ACAD9: variants seen among roughly 807,000 people sequenced by gnomAD.
The protein encoded by ACAD9 is complex I assembly factor ACAD9, mitochondrial.
A neutral mutation model predicts 70.2 loss-of-function variants in ACAD9; 53 were observed. That is an observed-to-expected ratio of 0.75 (90% CI 0.61 to 0.95). The LOEUF (loss-of-function observed/expected upper bound fraction) is 0.95. ACAD9 is among the 40% of genes least tolerant of loss of function. The probability of loss-of-function intolerance (pLI) is 0.00; values close to 1 mark genes in which losing one functional copy is unlikely to be tolerated. For missense variants in ACAD9, 777 were observed against 802.8 expected, an observed-to-expected ratio of 0.97 and a Z score of 0.39; for synonymous variants, 313 against 312.1, an observed-to-expected ratio of 1.00 and a Z score of -0.03.
chr3:128,909,640 T>TCTGCAC (rs1936055395), intron 15 of ACAD9: 1 of 623,688 alleles, frequency 1.6e-6, no homozygotes, highest in South Asian at 1.9e-5. Flanking sequence ...TCTGCAGTGT[T>TCTGCAC]TTTCTGTGCA....
chr3:128,908,132 C>G, intron 12 of ACAD9, 53 bp from the exon 13 acceptor site: 2 of 1,575,052 alleles, frequency 1.3e-6, no homozygotes, highest in Non-Finnish European at 1.7e-6. Context: ...CGTGGCACTA[C>G]CATGGCTGCC....
At chr3:128,893,705 C>G (rs770084623) in intron 3 of ACAD9, 49 bp downstream of exon 3, 1 of 1,495,844 alleles carries the variant, frequency 6.7e-7, no homozygotes. Flanking sequence ...TAAGAAAGCA[C>G]TCTGTATTTG....
chr3:128,898,179 A>C (rs1935621082), intron 6 of ACAD9, among the ~76,000 whole-genome samples: 1 of 151,732 alleles, frequency 6.6e-6, no homozygotes. Flanking sequence ...AAAATCTTTA[A>C]ATTTTTTGTT....
chr3:128,907,565 G>A (rs1039091595), intron 12 of ACAD9, among the ~76,000 whole-genome samples: 7 of 152,148 alleles, frequency 4.6e-5, no homozygotes, highest in East Asian at 3.8e-4. Context: ...CCTGCTGTCC[G>A]TGATGTCAGC....
In ACAD9 at chr3:128,902,703, T is replaced by C. The variant is rs1266702258; in HGVS notation, c.958+75T>C. The stretch of plus-strand genomic sequence containing the variant: ...GGCTCCAACCCTGGAGGCTCTGCCA[T>C]TCCCCCGGCCCCTTCCAGGCCAGTG... On this transcript the variant is annotated intron_variant, in intron 9 of 17. Transcript: ENST00000308982. This position sits in a 1 kb window ranked among gnomAD's most constrained non-coding sequence, Gnocchi z 4.0. The C allele has an allele frequency of 6.6e-7, 1 of 1,511,630 alleles. No homozygotes were observed. Among genetic ancestry groups the C allele is most frequent in the East Asian group, 2.4e-5 (1 of 42,464 alleles). 93.6% of individuals were successfully genotyped at this position (1,511,630 alleles called of 1,614,324 possible).
chr3:128,888,188 A>G (rs902573552), intron 2 of ACAD9, among the ~76,000 whole-genome samples: 1 of 152,196 alleles, frequency 6.6e-6, no homozygotes, highest in African/African-American at 2.4e-5. Flanking sequence ...GGTACTTTGG[A>G]CTATATATTG....
At chr3:128,883,834 G>T (rs1278504938) in intron 1 of ACAD9, among the ~76,000 whole-genome samples, 1 of 152,156 alleles carries the variant, frequency 6.6e-6, no homozygotes, top group African/African-American at 2.4e-5. Context: ...TCTGTTGGCT[G>T]ATTAGCTGTA....
At chr3:128,886,163 T>G (rs1935239187) in intron 2 of ACAD9, among the ~76,000 whole-genome samples, 1 of 151,416 alleles carries the variant, frequency 6.6e-6, no homozygotes, top group Non-Finnish European at 1.5e-5. Context: ...AGTGCAGTGG[T>G]GCAATCTCGA....
At chr3:128,904,697 G>C (rs1935837425) in intron 11 of ACAD9, among the ~76,000 whole-genome samples, 192 bp downstream of exon 11, 1 of 152,232 alleles carries the variant, frequency 6.6e-6, no homozygotes, top group African/African-American at 2.4e-5. Context: ...GAAGTGTCCA[G>C]TGGGCCAGTG....
At chr3:128,904,364 G>A in intron 10 of ACAD9, 22 bp from the exon 11 acceptor site, 1 of 1,614,168 alleles carries the variant, frequency 6.2e-7, no homozygotes, top group Middle Eastern at 1.7e-4. Context: ...ATTGTTTCTT[G>A]TGTTTTTTCT....
intron 1 of ACAD9, 28 bp from the exon 2 acceptor site, chr3:128,884,625 T>A (rs767966274): frequency 3.9e-5 from 60 of 1,546,978 alleles, no homozygotes; most frequent in Admixed American, 3.5e-4. Flanking sequence ...AAAAATTAAA[T>A]TTTTTAGAAA....
At chr3:128,910,663 T>C (rs1936186036) in intron 16 of ACAD9, 78 bp from the exon 17 acceptor site, 1 of 1,460,382 alleles carries the variant, frequency 6.8e-7, no homozygotes, top group African/African-American at 1.9e-5. Flanking sequence ...CCAGTTTGGC[T>C]GATAGGCTGG....
intron 2 of ACAD9, among the ~76,000 whole-genome samples, chr3:128,888,618 CT>C (rs1205775200): frequency 6.6e-6 from 1 of 151,984 alleles, no homozygotes; most frequent in African/African-American, 2.4e-5. Flanking sequence ...GTGGGACCCC[CT>C]AGAAGCAGCT....
chr3:128,909,371 A>G lies in ACAD9; in HGVS notation c.1513A>G (p.Thr505Ala). 1.2e-6 allele frequency: 2 copies of G among 1,614,158 alleles called. No homozygotes were observed. The highest frequency in any genetic ancestry group is 1.7e-6 in the Non-Finnish European group (2 of 1,180,022). The change falls in exon 15 of 18, where the codon ACC becomes GCC. Residue 505 changes from threonine to alanine, a missense_variant. Thr to Ala is a moderately conservative substitution (Grantham distance 58). Transcript: ENST00000308982. Reference sequence around the variant, plus strand: ...CAGTGCCAACAAGTTTGAGGAGAACACCTACTGCTTCGGCCGGACCGTGGA... The same window carrying G: ...CAGTGCCAACAAGTTTGAGGAGAACGCCTACTGCTTCGGCCGGACCGTGGA... Reference protein sequence around the residue: ...ADSANKFEENTYCFGRTVETL... With the variant: ...ADSANKFEENAYCFGRTVETL...
In ACAD9 at chr3:128,902,746, C is replaced by A; in HGVS notation, c.958+118C>A. 49 of 1,182,948 alleles carry A rather than the reference C, an allele frequency of 4.1e-5. No homozygotes were observed. In the South Asian group the frequency reaches 6.4e-4, roughly 15 times the overall value. The allele number at this position is 1,182,948 out of a possible 1,614,324, so 73.3% of individuals were successfully genotyped here. ...GGCCAGTGCTGAACCAGGCTACCAG[C>A]CTGAGCTCAGTCCCTGGGCTTTTGT... On this transcript the variant is annotated intron_variant, in intron 9 of 17. Transcript: ENST00000308982. The surrounding 1 kb of genome is among the most constrained non-coding windows in gnomAD (Gnocchi z 4.0).
chr3:128,888,578 CAA>C (rs1935320763), intron 2 of ACAD9, among the ~76,000 whole-genome samples: 1 of 149,424 alleles, frequency 6.7e-6, no homozygotes. Flanking sequence ...GACTCCATCT[CAA>C]AAAAAAATAA....
intron 2 of ACAD9, among the ~76,000 whole-genome samples, chr3:128,890,778 T>G (rs1935397807): frequency 6.6e-6 from 1 of 152,194 alleles, no homozygotes; most frequent in African/African-American, 2.4e-5. Flanking sequence ...TTTATCAATT[T>G]TACAATTTTC....
At chr3:128,893,202 T>C (rs551899484) in intron 2 of ACAD9, among the ~76,000 whole-genome samples, 93 of 151,098 alleles carry the variant, frequency 6.2e-4, no homozygotes, top group African/African-American at 2.2e-3. Context: ...AAAAAAAAAT[T>C]AGCTGGGTGT....
chr3:128,899,591 C>A (rs1168974352), intron 7 of ACAD9, 130 bp downstream of exon 7: 8 of 1,057,934 alleles, frequency 7.6e-6, no homozygotes, highest in Admixed American at 2.9e-5. Flanking sequence ...TTGACTCTGT[C>A]CAAATAGCAA....
Sources: gnomAD v4.1 joint callset for allele counts (sites outside exome capture counted in the v4.1 genomes callset) on GRCh38, gnomAD v4.1.1 for gene constraint, Gnocchi (gnomAD v3.1) non-coding constraint, MANE v1.5 for transcripts, NCBI Gene and HGNC (gene_info 2026-07-23, HGNC 2026-07-21) for gene names.